The following GPR39 variants were observed in gnomAD, a reference collection of about 807,000 sequenced individuals.
GPR39 encodes G protein-coupled receptor 39.
A neutral mutation model predicts 18.4 loss-of-function variants in GPR39; 23 were observed. The ratio of observed to expected loss-of-function variants is 1.25; its 90% CI spans 0.90 to 1.77. The LOEUF (loss-of-function observed/expected upper bound fraction) is 1.77, where lower values mean the gene tolerates loss of function less well. GPR39 is among the 40% of genes most tolerant of loss of function. The probability of loss-of-function intolerance (pLI) is 0.00; values close to 1 mark genes in which losing one functional copy is unlikely to be tolerated. For synonymous variants in GPR39, 280 were observed against 257.9 expected, an observed-to-expected ratio of 1.09 and a Z score of -0.82; for missense variants, 647 against 602.4, an observed-to-expected ratio of 1.07 and a Z score of -0.78.
chr2:132,570,121 C>G (rs1213206613), intron 1 of GPR39, among the ~76,000 whole-genome samples: 1 of 152,180 alleles, frequency 6.6e-6, no homozygotes. Context: ...CCCGGGAGCC[C>G]ACTCACTGCC....
intron 1 of GPR39, among the ~76,000 whole-genome samples, chr2:132,502,369 TA>T (rs1679058147): frequency 6.6e-6 from 1 of 152,166 alleles, no homozygotes; most frequent in African/African-American, 2.4e-5. Flanking sequence ...ACTTAGCTGA[TA>T]ATTGTTTTGT....
At chr2:132,513,979 AG>A (rs1679285386) in intron 1 of GPR39, among the ~76,000 whole-genome samples, 1 of 152,184 alleles carries the variant, frequency 6.6e-6, no homozygotes, top group Non-Finnish European at 1.5e-5. Context: ...AGCTGGTTTG[AG>A]TAGCTTCTTT....
At chr2:132,508,993 A>T (rs1316019581) in intron 1 of GPR39, among the ~76,000 whole-genome samples, 2 of 152,182 alleles carry the variant, frequency 1.3e-5, no homozygotes, top group East Asian at 3.9e-4. Flanking sequence ...GATACAAGGG[A>T]TGGGGCCCCA....
At chr2:132,509,539 T>C (rs529403491) in intron 1 of GPR39, among the ~76,000 whole-genome samples, 1 of 152,330 alleles carries the variant, frequency 6.6e-6, no homozygotes, top group East Asian at 1.9e-4. Context: ...GAGACATACT[T>C]ATAAGTAGTA....
At chr2:132,536,962 C>G (rs997156636) in intron 1 of GPR39, among the ~76,000 whole-genome samples, 1 of 152,098 alleles carries the variant, frequency 6.6e-6, no homozygotes, top group Non-Finnish European at 1.5e-5. Flanking sequence ...CTGTGTGTGT[C>G]CCTGCATGTG....
intron 1 of GPR39, among the ~76,000 whole-genome samples, chr2:132,489,495 T>C: frequency 6.6e-6 from 1 of 152,054 alleles, no homozygotes; most frequent in East Asian, 1.9e-4. Context: ...ACTGTGTGAC[T>C]ATATTCTTAA....
intron 1 of GPR39, among the ~76,000 whole-genome samples, chr2:132,510,986 T>C (rs1417093200): frequency 1.3e-5 from 2 of 152,218 alleles, no homozygotes; most frequent in African/African-American, 4.8e-5. Flanking sequence ...AGGGTTTCTT[T>C]ATCCAAAATG....
At chr2:132,421,276 A>G (rs1434855150) in intron 1 of GPR39, among the ~76,000 whole-genome samples, 1 of 152,224 alleles carries the variant, frequency 6.6e-6, no homozygotes, top group Non-Finnish European at 1.5e-5. Context: ...TCTATTGCAC[A>G]CATGGCTTGC....
intron 1 of GPR39, among the ~76,000 whole-genome samples, chr2:132,529,243 G>C (rs1189422715): frequency 6.6e-6 from 1 of 152,226 alleles, no homozygotes; most frequent in East Asian, 1.9e-4. Flanking sequence ...TGCACATGTA[G>C]CCTCGCTCAT....
chr2:132,510,252 C>G (rs1321429013), intron 1 of GPR39, among the ~76,000 whole-genome samples: 1 of 152,156 alleles, frequency 6.6e-6, no homozygotes, highest in Admixed American at 6.5e-5. Flanking sequence ...AGACAAAACA[C>G]TCACATACAA....
chr2:132,476,169 G>C (rs184034981), intron 1 of GPR39, among the ~76,000 whole-genome samples: 2 of 152,010 alleles, frequency 1.3e-5, no homozygotes, highest in South Asian at 4.2e-4. Flanking sequence ...CCTTTAACTC[G>C]GGCCTAGTAG....
intron 1 of GPR39, among the ~76,000 whole-genome samples, chr2:132,553,692 G>A (rs887747693): frequency 6.6e-6 from 1 of 152,140 alleles, no homozygotes; most frequent in African/African-American, 2.4e-5. Context: ...GCCCTCTGGG[G>A]TAGGCCCAGT....
chr2:132,639,827 A>C (rs1352140817), intron 1 of GPR39, among the ~76,000 whole-genome samples: 4 of 152,200 alleles, frequency 2.6e-5, no homozygotes, highest in Non-Finnish European at 5.9e-5. Flanking sequence ...AAGACAGTGC[A>C]TAGGAAAGGT....
chr2:132,555,131 T>G (rs895999541), intron 1 of GPR39, among the ~76,000 whole-genome samples: 7 of 152,056 alleles, frequency 4.6e-5, no homozygotes, highest in African/African-American at 1.4e-4. Flanking sequence ...TTTTGTATTT[T>G]TAGTAGAGAC....
chr2:132,587,972 C>T (rs1035590216), intron 1 of GPR39, among the ~76,000 whole-genome samples: 11 of 152,168 alleles, frequency 7.2e-5, no homozygotes, highest in African/African-American at 1.2e-4. Context: ...CTTTAAGGTT[C>T]ATGAGTTTCA....
intron 1 of GPR39, among the ~76,000 whole-genome samples, chr2:132,455,894 T>C (rs1463735946): frequency 6.6e-6 from 1 of 152,218 alleles, no homozygotes; most frequent in African/African-American, 2.4e-5. Flanking sequence ...GTGCTTTACT[T>C]ACAATTATGT....
chr2:132,640,465 G>C (rs1681839040), intron 1 of GPR39, among the ~76,000 whole-genome samples: 1 of 152,176 alleles, frequency 6.6e-6, no homozygotes. Flanking sequence ...TCATAGCCCA[G>C]AGTGCAAGGC....
intron 1 of GPR39, among the ~76,000 whole-genome samples, chr2:132,503,062 C>A (rs1184736874): frequency 6.6e-6 from 1 of 152,148 alleles, no homozygotes; most frequent in Non-Finnish European, 1.5e-5. Context: ...CTGAATTATT[C>A]TTCTGGCAAA....
intron 1 of GPR39, among the ~76,000 whole-genome samples, chr2:132,613,801 CT>C (rs1681280016): frequency 6.6e-6 from 1 of 152,242 alleles, no homozygotes; most frequent in Non-Finnish European, 1.5e-5. Flanking sequence ...AACTTTTCCA[CT>C]AGTGTCTTTT....
Sources: gnomAD v4.1 joint callset for allele counts (sites outside exome capture counted in the v4.1 genomes callset) on GRCh38, gnomAD v4.1.1 for gene constraint, MANE v1.5 for transcripts, NCBI Gene and HGNC (gene_info 2026-07-23, HGNC 2026-07-21) for gene names.